Variants in SSBP3 observed in about 807,000 individuals in gnomAD.
SSBP3 encodes the protein single stranded DNA binding protein 3, also known as single-stranded DNA-binding protein 3.
SSBP3 carries 5 observed loss-of-function variants against 69.6 expected under a neutral mutation model. The ratio of observed to expected loss-of-function variants is 0.07; its 90% confidence interval spans 0.04 to 0.15. The LOEUF (loss-of-function observed/expected upper bound fraction) is 0.15, where lower values mean the gene tolerates loss of function less well. SSBP3 is among the 10% of genes least tolerant of loss of function. The pLI, the probability that SSBP3 is intolerant of heterozygous loss-of-function variation, is 1.00. For synonymous variants in SSBP3, 196 were observed against 193.4 expected (o/e 1.01, Z -0.11); for missense variants, 312 against 534.0 (o/e 0.58, Z 4.10).
intron 4 of SSBP3, among the ~76,000 whole-genome samples, chr1:54,322,089 G>A (rs1298697509): frequency 1.3e-5 from 2 of 152,190 alleles, no homozygotes; most frequent in Non-Finnish European, 2.9e-5. Context: ...TGGTGGCCCC[G>A]CTTCCAGCCT....
chr1:54,356,485 C>G (rs1207209188), intron 4 of SSBP3: 3 of 152,252 alleles, frequency 2.0e-5, no homozygotes, highest in Non-Finnish European at 4.4e-5. Flanking sequence ...ACTGTGCCTG[C>G]CCCTCCCGGC....
intron 1 of SSBP3, chr1:54,405,523 C>A (rs1442563676): frequency 6.5e-6 from 1 of 153,334 alleles, no homozygotes; most frequent in Admixed American, 6.4e-5. Context: ...CTCCTCACGC[C>A]GCGGGCGGAC....
Position 54,336,951 on chromosome 1 carries a change from C to T in SSBP3, c.277-55424G>A, listed in dbSNP as rs560950468. ...AGGGTGTGACAGAGGGGAGGTCCCG[C>T]GCAGAATCTACTCTGGATGGAGGAA... On this transcript the variant is annotated intron_variant, in intron 4 of 17. Coordinates refer to ENST00000610401, the Ensembl canonical transcript of SSBP3. Among the ~76,000 whole-genome samples the T allele has an allele frequency of 2.8e-4, 43 of 152,260 alleles. No homozygotes were observed. In the South Asian group the frequency reaches 8.5e-3, roughly 30 times the overall value.
At chr1:54,356,365 G>A (rs1646865637) in intron 4 of SSBP3, 1 of 152,180 alleles carries the variant, frequency 6.6e-6, no homozygotes, top group African/African-American at 2.4e-5. Context: ...TCCCGCCAGC[G>A]CCCCACCAAA....
chr1:54,277,908 G>A (rs1386642135), intron 5 of SSBP3, among the ~76,000 whole-genome samples: 6 of 152,052 alleles, frequency 3.9e-5, no homozygotes, highest in African/African-American at 1.4e-4. Context: ...CAGATGTGCA[G>A]CCCAACCGAG....
At chr1:54,371,969 G>A (rs1647142924) in intron 4 of SSBP3, among the ~76,000 whole-genome samples, 1 of 152,036 alleles carries the variant, frequency 6.6e-6, no homozygotes, top group Non-Finnish European at 1.5e-5. Flanking sequence ...TCACGGACAT[G>A]GGTTATACTC....
chr1:54,385,646 G>A (rs185088117), intron 4 of SSBP3, among the ~76,000 whole-genome samples: 58 of 152,162 alleles, frequency 3.8e-4, no homozygotes, highest in South Asian at 1.0e-3. Flanking sequence ...GCTTCTAAAC[G>A]TGCCCCAGAA....
chr1:54,246,568 C>T (rs753911072), intron 9 of SSBP3, among the ~76,000 whole-genome samples: 27 of 152,170 alleles, frequency 1.8e-4, no homozygotes, highest in Non-Finnish European at 3.5e-4. Flanking sequence ...CAGTACGCAG[C>T]GCTGAGCTGG....
chr1:54,409,383 T>TC (rs1649930225), upstream of SSBP3, among the ~76,000 whole-genome samples: 2 of 152,018 alleles, frequency 1.3e-5, no homozygotes. Context: ...ACTGTCTGTC[T>TC]CCCCCACCAG....
At chr1:54,358,938 C>T (rs189586091) in intron 4 of SSBP3, among the ~76,000 whole-genome samples, 3 of 152,202 alleles carry the variant, frequency 2.0e-5, no homozygotes, top group Non-Finnish European at 2.9e-5. Flanking sequence ...AGCGGATCAC[C>T]GCCAGCTCCT....
intron 4 of SSBP3, among the ~76,000 whole-genome samples, chr1:54,379,713 G>C (rs1415011365): frequency 6.6e-6 from 1 of 152,134 alleles, no homozygotes; most frequent in African/African-American, 2.4e-5. Context: ...CCCTTCCACA[G>C]ACCACAGTCC....
At chr1:54,255,158 C>CGGG (rs34404422) in intron 7 of SSBP3, among the ~76,000 whole-genome samples, 35 of 63,408 alleles carry the variant, frequency 5.5e-4, no homozygotes, top group African/African-American at 1.1e-3. Context: ...TGCGGGGGGG[C>CGGG]GGGGGGGGGG....
chr1:54,399,232 G>A (rs1026321359), intron 4 of SSBP3, among the ~76,000 whole-genome samples: 8 of 152,238 alleles, frequency 5.3e-5, no homozygotes, highest in African/African-American at 1.9e-4. Flanking sequence ...AACCCTAAGT[G>A]AGAAGTTAGG....
intron 14 of SSBP3, 111 bp from the exon 15 acceptor site, chr1:54,228,937 C>T: frequency 8.9e-7 from 1 of 1,129,208 alleles, no homozygotes; most frequent in Non-Finnish European, 1.3e-6. Flanking sequence ...AACCCCTGCT[C>T]CGGCAGGCTC....
At chr1:54,380,064 G>A (rs1239079499) in intron 4 of SSBP3, among the ~76,000 whole-genome samples, 1 of 152,192 alleles carries the variant, frequency 6.6e-6, no homozygotes, top group Admixed American at 6.5e-5. Context: ...TGGTCAGAGA[G>A]GAAAATGGAA....
At chr1:54,316,635 G>A (rs1273062798) in intron 4 of SSBP3, among the ~76,000 whole-genome samples, 9 of 117,936 alleles carry the variant, frequency 7.6e-5, no homozygotes, top group Admixed American at 6.8e-4. Context: ...GCGACAGAGC[G>A]AGACTCCGTC....
chr1:54,341,711 GAAA>G (rs113716850), intron 4 of SSBP3, among the ~76,000 whole-genome samples: 2 of 139,934 alleles, frequency 1.4e-5, no homozygotes, highest in Non-Finnish European at 3.1e-5. Flanking sequence ...TATAATGATT[GAAA>G]AAAAAAAAAA....
intron 4 of SSBP3, among the ~76,000 whole-genome samples, chr1:54,390,766 G>A (rs1005656590): frequency 1.2e-4 from 18 of 152,242 alleles, no homozygotes; most frequent in Non-Finnish European, 2.2e-4. Context: ...AGCCCTGCCC[G>A]GAGCTGCGGG....
intron 4 of SSBP3, among the ~76,000 whole-genome samples, chr1:54,326,862 T>A (rs1205184560): frequency 6.6e-6 from 1 of 152,140 alleles, no homozygotes; most frequent in Non-Finnish European, 1.5e-5. Context: ...GGAAACATAA[T>A]CCTAAGTAGC....
Sources: gnomAD v4.1 joint callset for allele counts (sites outside exome capture counted in the v4.1 genomes callset) on GRCh38, gnomAD v4.1.1 for gene constraint, MANE v1.5 for transcripts, NCBI Gene and HGNC (gene_info 2026-07-23, HGNC 2026-07-21) for gene names.